The following CXADR variants were observed in gnomAD, a reference collection of about 807,000 sequenced individuals.
CXADR encodes the protein coxsackievirus and adenovirus receptor.
In CXADR, 20 loss-of-function variants were observed where a neutral mutation model predicts 40.3. The observed-to-expected ratio is 0.50, with a 90% CI of 0.35 to 0.72. The LOEUF (loss-of-function observed/expected upper bound fraction) is 0.72. CXADR is among the 30% of genes least tolerant of loss of function. The probability of loss-of-function intolerance (pLI) is 0.01; values close to 1 mark genes in which losing one functional copy is unlikely to be tolerated. For missense variants in CXADR, 332 were observed against 449.1 expected (o/e 0.74, Z 2.36); for synonymous variants, 150 against 161.3 (o/e 0.93, Z 0.53).
intron 1 of CXADR, among the ~76,000 whole-genome samples, chr21:17,540,220 T>G (rs2060809816): frequency 6.6e-6 from 1 of 152,006 alleles, no homozygotes; most frequent in South Asian, 2.1e-4. Flanking sequence ...CTTAATCACT[T>G]CCTTAAAAGC....
chr21:17,549,391 C>T (rs1364826239), intron 2 of CXADR, among the ~76,000 whole-genome samples: 1 of 152,192 alleles, frequency 6.6e-6, no homozygotes, highest in Non-Finnish European at 1.5e-5. Flanking sequence ...AGGGTCATTA[C>T]AAGAATTCAG....
chr21:17,513,296 G>A (rs1345049993), intron 1 of CXADR, 124 bp downstream of exon 1: 13 of 951,028 alleles, frequency 1.4e-5, no homozygotes, highest in Admixed American at 8.6e-5. Flanking sequence ...CTGCTGCAGG[G>A]GCGGCGGGGC....
rs368835427 is a variant in CXADR, at chr21:17,518,142, A to AT, written c.43+4978dup. ...GAAAAGAAAAGTAACAAATGTAAAG[A>AT]TTTTTTTTATTTCTACTGGGGAGGG... On this transcript the variant is annotated intron_variant, in intron 1 of 6. Coordinates refer to ENST00000284878, the MANE Select transcript of CXADR (RefSeq NM_001338.5). Among the ~76,000 whole-genome samples, 70 of 143,568 alleles carry AT rather than the reference A, an allele frequency of 4.9e-4. 1 individual carries two copies. Among genetic ancestry groups the AT allele is most frequent in the African/African-American group, 1.8e-3 (59 of 33,402 alleles). 94.2% of individuals were successfully genotyped at this position (143,568 alleles called of 152,430 possible).
chr21:17,594,294 G>A (rs532920211), downstream of CXADR: 1 of 1,612,912 alleles, frequency 6.2e-7, no homozygotes, highest in Non-Finnish European at 8.5e-7. Context: ...TGGGCAAAGG[G>A]TGCCACATTG....
intron 1 of CXADR, among the ~76,000 whole-genome samples, chr21:17,528,552 T>A (rs1482107946): frequency 6.6e-6 from 1 of 151,560 alleles, no homozygotes; most frequent in Non-Finnish European, 1.5e-5. Context: ...ACTACAGGCA[T>A]GCGCCACCAC....
At chr21:17,624,594 C>T in the CXADR span, among the ~76,000 whole-genome samples, 1 of 152,186 alleles carries the variant, frequency 6.6e-6, no homozygotes, top group Non-Finnish European at 1.5e-5. Context: ...CTTTTAAGGG[C>T]TCATGTGACT....
chr21:17,602,547 C>G, the CXADR span, among the ~76,000 whole-genome samples: 1 of 152,168 alleles, frequency 6.6e-6, no homozygotes, highest in South Asian at 2.1e-4. Context: ...ACCACCTCTA[C>G]TAAACGATTA....
intron 1 of CXADR, among the ~76,000 whole-genome samples, chr21:17,534,606 C>CT (rs1295214868): frequency 5.9e-5 from 9 of 152,124 alleles, no homozygotes; most frequent in African/African-American, 1.7e-4. Flanking sequence ...TGGTGGTCAC[C>CT]TTTTTGTATA....
chr21:17,528,938 C>T (rs565179294), intron 1 of CXADR, among the ~76,000 whole-genome samples: 5 of 152,108 alleles, frequency 3.3e-5, no homozygotes, highest in East Asian at 3.9e-4. Context: ...ATCAGTTCTC[C>T]GGGGCAGTTT....
intron 6 of CXADR, among the ~76,000 whole-genome samples, chr21:17,563,269 A>G (rs953511286): frequency 2.6e-5 from 4 of 152,302 alleles, no homozygotes; most frequent in East Asian, 1.9e-4. Flanking sequence ...CGTGGTTGAC[A>G]GTCTCAAAAT....
the CXADR span, among the ~76,000 whole-genome samples, chr21:17,622,080 AATT>A: frequency 6.6e-6 from 1 of 152,168 alleles, no homozygotes; most frequent in African/African-American, 2.4e-5. Context: ...AACATAAAGG[AATT>A]GCCTCTGAGG....
Position 17,513,108 on chromosome 21 carries a change from C to A in CXADR, c.-22C>A. The A allele has an allele frequency of 1.5e-6, 2 of 1,347,284 alleles. No homozygotes were observed. Among genetic ancestry groups the A allele is most frequent in the Non-Finnish European group, 1.9e-6 (2 of 1,046,816 alleles). 83.5% of individuals were successfully genotyped at this position (1,347,284 alleles called of 1,614,324 possible). On this transcript the variant is annotated 5_prime_UTR_variant, in exon 1 of 7. Coordinates refer to ENST00000284878, the MANE Select transcript of CXADR (RefSeq NM_001338.5). ...GCGAGAGCCGCCTACCTGCAGCCGC[C>A]GCCCACGGCACGGCAGCCACCATGG...
At chr21:17,529,069 C>G (rs2060636883) in intron 1 of CXADR, among the ~76,000 whole-genome samples, 1 of 135,658 alleles carries the variant, frequency 7.4e-6, no homozygotes, top group Non-Finnish European at 1.6e-5. Flanking sequence ...GACAGAGTCT[C>G]ACTCTGTCAC....
chr21:17,624,822 T>C, the CXADR span, among the ~76,000 whole-genome samples: 2 of 152,154 alleles, frequency 1.3e-5, no homozygotes, highest in Non-Finnish European at 2.9e-5. Flanking sequence ...TCCTGCTACC[T>C]GGAATATTGT....
chr21:17,586,583 GAGTC>G (rs1378482778), intron 7 of CXADR, among the ~76,000 whole-genome samples: 1 of 151,474 alleles, frequency 6.6e-6, no homozygotes, highest in African/African-American at 2.4e-5. Flanking sequence ...TTACAGGTGT[GAGTC>G]AGCCTCTTCT....
chr21:17,583,267 TA>T (rs2061373183), intron 7 of CXADR, among the ~76,000 whole-genome samples: 1 of 152,232 alleles, frequency 6.6e-6, no homozygotes, highest in African/African-American at 2.4e-5. Flanking sequence ...TGAATGTATG[TA>T]TATATAGATT....
chr21:17,522,499 G>T (rs1056105255), intron 1 of CXADR, among the ~76,000 whole-genome samples: 6 of 152,090 alleles, frequency 3.9e-5, no homozygotes, highest in Non-Finnish European at 5.9e-5. Flanking sequence ...TGCATGTACT[G>T]ACTGCATTAT....
the CXADR span, among the ~76,000 whole-genome samples, chr21:17,618,443 C>T: frequency 0.012 from 1,760 of 152,304 alleles, 33 homozygotes; most frequent in African/African-American, 0.04. Context: ...AATAGTAAAT[C>T]CTTTCCCTAG....
At chr21:17,528,834 C>G (rs1221546395) in intron 1 of CXADR, among the ~76,000 whole-genome samples, 1 of 152,062 alleles carries the variant, frequency 6.6e-6, no homozygotes, top group East Asian at 1.9e-4. Flanking sequence ...AGAGCCTTTC[C>G]CAACTCTCAC....
Sources: gnomAD v4.1 joint callset for allele counts (sites outside exome capture counted in the v4.1 genomes callset) on GRCh38, gnomAD v4.1.1 for gene constraint, MANE v1.5 for transcripts, NCBI Gene and HGNC (gene_info 2026-07-23, HGNC 2026-07-21) for gene names.